DCUN1D4: variants seen among roughly 807,000 people sequenced by gnomAD.
The protein encoded by DCUN1D4 is DCN1-like protein 4.
Under a neutral mutation model 47.9 loss-of-function variants are expected in DCUN1D4, and 22 were observed. The observed-to-expected ratio is 0.46, with a 90% CI of 0.33 to 0.66. The LOEUF (loss-of-function observed/expected upper bound fraction) is 0.66, where lower values mean the gene tolerates loss of function less well. Among genes scored for constraint, DCUN1D4 ranks in the 30% least tolerant of loss-of-function variants. DCUN1D4 has a pLI of 0.02. For missense variants in DCUN1D4, 301 were observed against 340.8 expected, an observed-to-expected ratio of 0.88 and a Z score of 0.92; for synonymous variants, 121 against 112.2, an observed-to-expected ratio of 1.08 and a Z score of -0.50.
upstream of DCUN1D4, among the ~76,000 whole-genome samples, chr4:51,842,243 G>A (rs1229910867): frequency 2.0e-5 from 3 of 152,124 alleles, no homozygotes; most frequent in Non-Finnish European, 4.4e-5. Context: ...GGTCTTTCAC[G>A]GGCTGGTGGT....
chr4:51,889,816 T>C (rs1730142622), intron 6 of DCUN1D4, among the ~76,000 whole-genome samples: 1 of 152,192 alleles, frequency 6.6e-6, no homozygotes, highest in African/African-American at 2.4e-5. Context: ...CCCCATCTTT[T>C]TGGGAAATTC....
At chr4:51,877,954 G>A (rs752702956) in intron 5 of DCUN1D4, 100 bp downstream of exon 5, 6 of 731,190 alleles carry the variant, frequency 8.2e-6, no homozygotes, top group African/African-American at 4.3e-5. Context: ...TTCAAATTTG[G>A]GTGTGTGTGT....
chr4:51,900,190 A>G (rs939788023), intron 8 of DCUN1D4, among the ~76,000 whole-genome samples: 9 of 151,184 alleles, frequency 6.0e-5, no homozygotes, highest in Non-Finnish European at 1.3e-4. Flanking sequence ...TTTCCTTACC[A>G]CCATATTGAT....
chr4:51,845,852 AAT>A (rs1722462811), intron 1 of DCUN1D4, among the ~76,000 whole-genome samples: 2 of 152,168 alleles, frequency 1.3e-5, no homozygotes, highest in Non-Finnish European at 2.9e-5. Flanking sequence ...AAAATTGGGC[AAT>A]GTGTGTGGTG....
chr4:51,886,590 T>A lies in DCUN1D4; in HGVS notation c.366T>A (p.Pro122=). The A allele has an allele frequency of 1.9e-6, 3 of 1,614,000 alleles. 1 individual carries two copies. The South Asian group carries it at 3.3e-5, about 18-fold the overall frequency. The part of the protein sequence containing the change: ...EYAGTDDVVG[P]EGMEKFCEDI... Reference sequence around the variant, plus strand: ...CAGGAACTGATGATGTTGTAGGCCCTGAAGGCATGGAGAAATTTTGTGAAG... The same window carrying A: ...CAGGAACTGATGATGTTGTAGGCCCAGAAGGCATGGAGAAATTTTGTGAAG... The change falls in exon 6 of 11, where the codon CCT becomes CCA. Residue 122 remains proline, a synonymous_variant. Transcript: ENST00000334635.
intron 6 of DCUN1D4, chr4:51,887,197 T>C (rs1413958030): frequency 2.3e-6 from 1 of 427,144 alleles, no homozygotes; most frequent in Non-Finnish European, 4.7e-6. Context: ...GCCTCCCGGG[T>C]TGAAGCGATT....
chr4:51,876,230 C>T (rs998199413), intron 4 of DCUN1D4, among the ~76,000 whole-genome samples: 74 of 152,138 alleles, frequency 4.9e-4, no homozygotes, highest in South Asian at 3.9e-3. Context: ...TGGAATACTA[C>T]GCAGCCATAA....
At chr4:51,838,625 C>T (rs1419920541), upstream of DCUN1D4, among the ~76,000 whole-genome samples, 1 of 152,146 alleles carries the variant, frequency 6.6e-6, no homozygotes, top group African/African-American at 2.4e-5. Flanking sequence ...TCAAGTGATC[C>T]ACCCACCTCA....
intron 3 of DCUN1D4, chr4:51,865,164 CT>C: frequency 1.4e-5 from 3 of 207,728 alleles, no homozygotes; most frequent in Admixed American, 4.6e-5. Flanking sequence ...GTTCAATCAC[CT>C]TTTTTGACTT....
At chr4:51,886,242 T>G (rs1378094675) in intron 5 of DCUN1D4, among the ~76,000 whole-genome samples, 1 of 152,238 alleles carries the variant, frequency 6.6e-6, no homozygotes, top group Non-Finnish European at 1.5e-5. Flanking sequence ...TTATTTTATG[T>G]ATTGAAATTA....
At position 51,843,633 on chromosome 4, in the gene DCUN1D4, TG is replaced by T. The variant is rs1210170650; in HGVS notation, c.25+373del. The T allele has an allele frequency of 1.3e-5, 9 of 702,208 alleles. No individual in the cohort carries two copies. In the East Asian group the frequency reaches 7.3e-4, roughly 57 times the overall value. The allele number at this position is 702,208 out of a possible 1,614,324, so 43.5% of individuals were successfully genotyped here. A position where few individuals can be genotyped will look rare whatever the true frequency, so the allele number is the denominator to read the frequency against. On this transcript the variant is annotated intron_variant, in intron 1 of 10. Transcript: ENST00000334635. ...GCTGTAGCGGGCAGGGCCGGGGATG[TG>T]GGGGGGTGGCACCGGCGGGGAGAGG...
chr4:51,895,514 T>A (rs941620893), intron 7 of DCUN1D4, among the ~76,000 whole-genome samples: 1 of 138,352 alleles, frequency 7.2e-6, no homozygotes, highest in Non-Finnish European at 1.5e-5. Flanking sequence ...AAGACACAGC[T>A]CCTGTTTTGG....
upstream of DCUN1D4, among the ~76,000 whole-genome samples, chr4:51,842,170 G>A (rs1383959946): frequency 6.6e-6 from 1 of 152,168 alleles, no homozygotes; most frequent in Non-Finnish European, 1.5e-5. Flanking sequence ...CCAAATAACA[G>A]CCAGTTTCAA....
intron 8 of DCUN1D4, among the ~76,000 whole-genome samples, chr4:51,909,779 A>C (rs188225613): frequency 1.9e-3 from 286 of 152,322 alleles, no homozygotes; most frequent in Admixed American, 3.9e-3. Flanking sequence ...TGGTCTATTC[A>C]TGGACAGTCG....
At chr4:51,848,441 G>A (rs1442060433) in intron 1 of DCUN1D4, 1 of 978,900 alleles carries the variant, frequency 1.0e-6, no homozygotes, top group African/African-American at 1.8e-5. Context: ...CTGGTCCTAA[G>A]GATTTATTTC....
intron 1 of DCUN1D4, among the ~76,000 whole-genome samples, chr4:51,844,667 C>T (rs899210245): frequency 6.6e-6 from 1 of 151,454 alleles, no homozygotes; most frequent in Non-Finnish European, 1.5e-5. Flanking sequence ...CGCCCCACGC[C>T]CGGGGGGCGC....
intron 8 of DCUN1D4, among the ~76,000 whole-genome samples, chr4:51,907,596 T>G (rs1017486729): frequency 2.6e-5 from 4 of 152,206 alleles, no homozygotes; most frequent in African/African-American, 9.6e-5. Flanking sequence ...GCCTGTATAT[T>G]ATTTCTTGAT....
chr4:51,890,346 G>C (rs913913773), intron 6 of DCUN1D4, among the ~76,000 whole-genome samples: 1 of 152,168 alleles, frequency 6.6e-6, no homozygotes, highest in Non-Finnish European at 1.5e-5. Flanking sequence ...GTGTTTTAAT[G>C]GTTTTGAATG....
chr4:51,887,154 G>A (rs1464070680), intron 6 of DCUN1D4: 24 of 449,686 alleles, frequency 5.3e-5, no homozygotes, highest in Non-Finnish European at 8.0e-5. Context: ...AGGCTGGAGT[G>A]CAATGGTATG....
Sources: gnomAD v4.1 joint callset for allele counts (sites outside exome capture counted in the v4.1 genomes callset) on GRCh38, gnomAD v4.1.1 for gene constraint, MANE v1.5 for transcripts, NCBI Gene and HGNC (gene_info 2026-07-23, HGNC 2026-07-21) for gene names.